The following GLDC variants were observed in gnomAD, a reference collection of about 807,000 sequenced individuals.
The protein encoded by GLDC is glycine decarboxylase.
A neutral mutation model predicts 121.3 loss-of-function variants in GLDC; 104 were observed. That is an observed-to-expected ratio of 0.86 (90% CI 0.73 to 1.01). The LOEUF (loss-of-function observed/expected upper bound fraction) is 1.01. Among genes scored for constraint, GLDC ranks in the 50% least tolerant of loss-of-function variants. The probability of loss-of-function intolerance (pLI) is 0.00; values close to 1 mark genes in which losing one functional copy is unlikely to be tolerated. For synonymous variants in GLDC, 546 were observed against 480.6 expected (o/e 1.14, Z -1.78); for missense variants, 1,429 against 1,306.6 (o/e 1.09, Z -1.44).
chr9:6,556,368 C>G lies in GLDC; in HGVS notation c.2053-66G>C, dbSNP rs781463814. On this transcript the variant is annotated intron_variant, in intron 17 of 24. Transcript: ENST00000321612. ...TATGTTTCTTTCTTGGCCAAATCCT[C>G]GCCTTTCATTTTAAAGGATGAAGAA... is the stretch of plus-strand genomic sequence containing the variant. The G allele has an allele frequency of 5.3e-6, 7 of 1,315,106 alleles. No individual in the cohort carries two copies. In the African/African-American group the frequency reaches 8.7e-5, roughly 16 times the overall value. The allele number at this position is 1,315,106 out of a possible 1,614,324, so 81.5% of individuals were successfully genotyped here.
Position 6,645,577 on chromosome 9 carries a change from G to A in GLDC, c.-78C>T. The A allele has an allele frequency of 1.8e-6, 2 of 1,103,290 alleles. No homozygotes were observed. The highest frequency in any genetic ancestry group is 2.3e-6 in the Non-Finnish European group (2 of 871,346). The allele number at this position is 1,103,290 out of a possible 1,614,324, so 68.3% of individuals were successfully genotyped here. Reference sequence around the variant, plus strand: ...GCCCCTCTCCTGGCCTCGGTCCCCCGGGTGGCGGCTGCGCCCGGCCTGGAG... The same window carrying A: ...GCCCCTCTCCTGGCCTCGGTCCCCCAGGTGGCGGCTGCGCCCGGCCTGGAG... On this transcript the variant is annotated 5_prime_UTR_variant, in exon 1 of 25. Transcript: ENST00000321612.
At chr9:6,557,985 T>A (rs1209069794) in intron 17 of GLDC, 2 of 200,606 alleles carry the variant, frequency 1.0e-5, no homozygotes, top group East Asian at 2.4e-4. Context: ...CCATGCCTAA[T>A]AACACCACCA....
chr9:6,592,960 T>A lies in GLDC; in HGVS notation c.1292A>T (p.His431Leu), dbSNP rs1471796607. The change falls in exon 10 of 25, where the codon CAT becomes CTT. Residue 431 changes from histidine to leucine, a missense_variant. His to Leu is a moderately conservative substitution (Grantham distance 99). Transcript: ENST00000321612. The stretch of plus-strand genomic sequence containing the variant: ...CTTCAAGGTATCAAAGAACAGGTCA[T>A]GCTGGAGTTGATGCCCTGCTCGCTT... ...GLKRAGHQLQHDLFFDTLKIQ... is the reference protein window; with the variant it reads ...GLKRAGHQLQLDLFFDTLKIQ... 6.2e-7 allele frequency: 1 copy of A among 1,614,156 alleles called. No individual in the cohort carries two copies. Among genetic ancestry groups the A allele is most frequent in the Non-Finnish European group, 8.5e-7 (1 of 1,180,002 alleles).
At chr9:6,568,622 C>A (rs953769109) in intron 15 of GLDC, among the ~76,000 whole-genome samples, 6 of 151,492 alleles carry the variant, frequency 4.0e-5, no homozygotes, top group African/African-American at 1.5e-4. Flanking sequence ...CCAAGGTGGG[C>A]GGATCACCTG....
chr9:6,585,575 G>A (rs1233539261), intron 15 of GLDC, among the ~76,000 whole-genome samples: 1 of 152,120 alleles, frequency 6.6e-6, no homozygotes, highest in Admixed American at 6.5e-5. Flanking sequence ...TTTATAGGGT[G>A]TATTGTTTTT....
Position 6,628,829 on chromosome 9 carries a change from G to C in GLDC, c.335-8510C>G, listed in dbSNP as rs542342681. Among the ~76,000 whole-genome samples, 4 of 152,284 alleles carry C rather than the reference G, an allele frequency of 2.6e-5. No homozygotes were observed. The South Asian group carries it at 8.3e-4, about 32-fold the overall frequency. On this transcript the variant is annotated intron_variant, in intron 2 of 24. Coordinates refer to ENST00000321612, the MANE Select transcript of GLDC (RefSeq NM_000170.3). ...GCAGCCAGCAGCTGTGCATTATTTT[G>C]CACTCTCAGCCATGAAGGAATTCAG...
intron 11 of GLDC, among the ~76,000 whole-genome samples, chr9:6,589,938 G>A (rs145272346): frequency 0.017 from 2,524 of 151,824 alleles, 64 homozygotes; most frequent in African/African-American, 0.058. Context: ...GCCTGTAGTC[G>A]CAGCTACTCG....
chr9:6,556,426 T>C, intron 17 of GLDC, 124 bp from the exon 18 acceptor site: 1 of 784,040 alleles, frequency 1.3e-6, no homozygotes, highest in Non-Finnish European at 2.2e-6. Context: ...TTCCTGGAAC[T>C]GTCTCAAAGT....
At chr9:6,559,058 C>T (rs1817692087) in intron 16 of GLDC, among the ~76,000 whole-genome samples, 1 of 152,180 alleles carries the variant, frequency 6.6e-6, no homozygotes, top group Non-Finnish European at 1.5e-5. Flanking sequence ...GGGCCCACAT[C>T]ACAGCTTCAG....
intron 2 of GLDC, among the ~76,000 whole-genome samples, chr9:6,624,685 A>T (rs946624615): frequency 2.0e-5 from 3 of 152,216 alleles, no homozygotes; most frequent in Non-Finnish European, 4.4e-5. Context: ...CCAGCTGGCC[A>T]GTTAAAAAAG....
At chr9:6,643,844 G>T (rs1021434288) in intron 2 of GLDC, among the ~76,000 whole-genome samples, 1 of 151,436 alleles carries the variant, frequency 6.6e-6, no homozygotes, top group African/African-American at 2.4e-5. Flanking sequence ...CACCAGCCTG[G>T]CCAACATGAA....
At chr9:6,556,042 T>C in intron 18 of GLDC, 111 bp downstream of exon 18, 1 of 810,218 alleles carries the variant, frequency 1.2e-6, no homozygotes, top group African/African-American at 1.7e-5. Context: ...GGTCAGGTCG[T>C]GGGTCTGAGT....
At chr9:6,614,543 G>C (rs1004556059) in intron 3 of GLDC, among the ~76,000 whole-genome samples, 1 of 148,592 alleles carries the variant, frequency 6.7e-6, no homozygotes, top group South Asian at 2.1e-4. Context: ...CTGAAGCCCT[G>C]GGTTTCAATC....
Position 6,556,206 on chromosome 9 carries a change from T to C in GLDC, c.2149A>G (p.Ile717Val), listed in dbSNP as rs117460214. The part of the protein sequence containing the change: ...EENISDVCDL[I>V]HQHGGQVYLD... ...TAGACCTGTCCTCCATGTTGATGGA[T>C]GAGGTCACACACGTCACTGATGTTC... Residue 717 changes from isoleucine (I) to valine (V), a missense_variant, in exon 18 of 25, where the codon ATC becomes GTC. Physicochemically the swap from Ile to Val is conservative, Grantham distance 29. Coordinates refer to ENST00000321612, the MANE Select transcript of GLDC (RefSeq NM_000170.3). The C allele has an allele frequency of 1.6e-4, 254 of 1,610,878 alleles. 1 individual carries two copies. Among genetic ancestry groups the C allele is most frequent in the Non-Finnish European group, 2.0e-4 (235 of 1,177,086 alleles).
At chr9:6,609,043 G>C (rs1026208932) in intron 4 of GLDC, among the ~76,000 whole-genome samples, 3 of 152,134 alleles carry the variant, frequency 2.0e-5, no homozygotes, top group Non-Finnish European at 4.4e-5. Context: ...AGCCAAAAAA[G>C]AGGCTTACAT....
chr9:6,620,423 C>T, intron 2 of GLDC, 104 bp from the exon 3 acceptor site: 1 of 987,628 alleles, frequency 1.0e-6, no homozygotes, highest in South Asian at 1.3e-5. Context: ...GACAGAATAA[C>T]TATATGGAAA....
At chr9:6,587,365 T>A in intron 14 of GLDC, 82 bp from the exon 15 acceptor site, 1 of 1,080,024 alleles carries the variant, frequency 9.3e-7, no homozygotes, top group South Asian at 1.3e-5. Flanking sequence ...ATGACGATGA[T>A]GAGAAAAGCT....
At chr9:6,595,733 C>A (rs146963261) in intron 8 of GLDC, among the ~76,000 whole-genome samples, 1 of 152,060 alleles carries the variant, frequency 6.6e-6, no homozygotes, top group Non-Finnish European at 1.5e-5. Flanking sequence ...CTCCAGAAGC[C>A]GAGATGGATC....
rs577206403 is a variant in GLDC at position 6,607,746 on chromosome 9, TG to T, written c.636-1078del. Among the ~76,000 whole-genome samples the T allele has an allele frequency of 8.7e-4, 133 of 152,042 alleles. 1 individual carries two copies. The highest frequency in any genetic ancestry group is 6.8e-3 in the Middle Eastern group (2 of 294). On this transcript the variant is annotated intron_variant, in intron 4 of 24. Transcript: ENST00000321612. Reference sequence around the variant, plus strand: ...GCAACCTCGACCTCCAAGGTTCAAGTGCTCCTTCCACCTCAGCACCCCGCCC... The same window carrying T: ...GCAACCTCGACCTCCAAGGTTCAAGTCTCCTTCCACCTCAGCACCCCGCCC...
Sources: gnomAD v4.1 joint callset for allele counts (sites outside exome capture counted in the v4.1 genomes callset) on GRCh38, gnomAD v4.1.1 for gene constraint, MANE v1.5 for transcripts, NCBI Gene and HGNC (gene_info 2026-07-23, HGNC 2026-07-21) for gene names.